Variants in IL6ST observed in about 807,000 individuals in gnomAD.
The protein encoded by IL6ST is interleukin 6 cytokine family signal transducer, also known as interleukin-6 receptor subunit beta.
In IL6ST, 24 loss-of-function variants were observed where a neutral mutation model predicts 91.3. The ratio of observed to expected loss-of-function variants is 0.26; its 90% CI spans 0.19 to 0.37. The LOEUF is 0.37. Among genes scored for constraint, IL6ST ranks in the 10% least tolerant of loss-of-function variants. The pLI is 1.00. For synonymous variants in IL6ST, 351 were observed against 373.6 expected (o/e 0.94, Z 0.70); for missense variants, 914 against 1,078.5 (o/e 0.85, Z 2.14).
At chr5:55,974,956 TAC>T (rs3039924) in intron 3 of IL6ST, among the ~76,000 whole-genome samples, 8,686 of 113,874 alleles carry the variant, frequency 0.076, 622 homozygotes, top group African/African-American at 0.19. Flanking sequence ...CACACACACA[TAC>T]ACACACACAC....
chr5:55,988,889 T>C (rs1389688971), intron 1 of IL6ST, among the ~76,000 whole-genome samples: 8 of 151,348 alleles, frequency 5.3e-5, no homozygotes, highest in African/African-American at 9.7e-5. Flanking sequence ...GGTAGGTAGA[T>C]TGCTTGAGCC....
In IL6ST at chr5:55,941,200, C is replaced by T. The variant is rs778244030; in HGVS notation, c.2639G>A (p.Gly880Asp). Residue 880 changes from glycine (G) to aspartate (D), a missense_variant, in exon 17 of 17, where the codon GGT (glycine) becomes GAT (aspartate). Coordinates refer to ENST00000381298, the MANE Select transcript of IL6ST (RefSeq NM_002184.4). ...AAATCTTTCTACTTGTCCCTCAGTA[C>T]CTGGACCAAAAGCATCTGCTGCAGA... The part of the protein sequence containing the change: ...EVSAADAFGP[G>D]TEGQVERFET... 18 of 1,614,026 alleles carry T rather than the reference C, an allele frequency of 1.1e-5. No individual in the cohort carries two copies. The highest frequency in any genetic ancestry group is 1.4e-5 in the Non-Finnish European group (17 of 1,179,990).
In IL6ST at chr5:55,940,324, T is replaced by C. The variant is rs534489586; in HGVS notation, c.*758A>G. 9.5e-5 allele frequency: 20 copies of C among 210,286 alleles called. No individual in the cohort carries two copies. Among genetic ancestry groups the C allele is most frequent in the African/African-American group, 4.1e-4 (18 of 44,216 alleles). 13.0% of individuals were successfully genotyped at this position (210,286 alleles called of 1,614,324 possible). ...TAGTTTGGGGGATCCCTAGCTCTTA[T>C]CATGGCACTCTGTTGAGTTTGTGAA... On this transcript the variant is annotated 3_prime_UTR_variant, in exon 17 of 17. Transcript: ENST00000381298.
At chr5:55,967,074 G>C (rs1383646234) in intron 5 of IL6ST, among the ~76,000 whole-genome samples, 1 of 151,760 alleles carries the variant, frequency 6.6e-6, no homozygotes, top group Non-Finnish European at 1.5e-5. Context: ...CACTCTGGGA[G>C]GCAGAGGCAG....
Position 55,994,899 on chromosome 5 carries a change from G to A in IL6ST, c.-219C>T, listed in dbSNP as rs1279726527. 2 of 152,392 alleles carry A rather than the reference G, an allele frequency of 1.3e-5. No homozygotes were observed. The highest frequency in any genetic ancestry group is 1.5e-5 in the Non-Finnish European group (1 of 68,106). 9.4% of individuals were successfully genotyped at this position (152,392 alleles called of 1,614,324 possible). On this transcript the variant is annotated 5_prime_UTR_variant, in exon 1 of 17. Coordinates refer to ENST00000381298, the MANE Select transcript of IL6ST (RefSeq NM_002184.4). ...CGGCCCCCGGTTCAGCTGCGCCGGGGCGGCCCAGCGCGACTCCGCGGGCCT... is the reference window on the plus strand; with the variant it reads ...CGGCCCCCGGTTCAGCTGCGCCGGGACGGCCCAGCGCGACTCCGCGGGCCT...
At position 55,937,792 on chromosome 5, in the gene IL6ST, C is replaced by T. The variant is rs1426523362; in HGVS notation, c.*3290G>A. 3 of 192,562 alleles carry T rather than the reference C, an allele frequency of 1.6e-5. No individual in the cohort carries two copies. The highest frequency in any genetic ancestry group is 2.3e-5 in the African/African-American group (1 of 43,070). 11.9% of individuals were successfully genotyped at this position (192,562 alleles called of 1,614,324 possible). A position where few individuals can be genotyped will look rare whatever the true frequency, so the allele number is the denominator to read the frequency against. Reference sequence around the variant, plus strand: ...CAGCTTATAACTTTGTTATTTTATTCATCTCAACAAAATAAAACTTTATTG... The same window carrying T: ...CAGCTTATAACTTTGTTATTTTATTTATCTCAACAAAATAAAACTTTATTG... On this transcript the variant is annotated 3_prime_UTR_variant, in exon 17 of 17. Transcript: ENST00000381298.
At position 55,937,362 on chromosome 5, in the gene IL6ST, T is replaced by C. The variant is rs1750602161; in HGVS notation, c.*3720A>G. On this transcript the variant is annotated 3_prime_UTR_variant, in exon 17 of 17. Coordinates refer to ENST00000381298, the MANE Select transcript of IL6ST (RefSeq NM_002184.4). ...TGCCACCTTTTAATTTTTAATGCAATGTATATGAGAATATCATGCTAATGC... is the reference window on the plus strand; with the variant it reads ...TGCCACCTTTTAATTTTTAATGCAACGTATATGAGAATATCATGCTAATGC... 2 of 212,418 alleles carry C rather than the reference T, an allele frequency of 9.4e-6. No homozygotes were observed. Among genetic ancestry groups the C allele is most frequent in the Admixed American group, 1.2e-4 (2 of 17,016 alleles). 13.2% of individuals were successfully genotyped at this position (212,418 alleles called of 1,614,324 possible). A position where few individuals can be genotyped will look rare whatever the true frequency, so the allele number is the denominator to read the frequency against.
intron 2 of IL6ST, among the ~76,000 whole-genome samples, chr5:55,976,623 T>TA (rs1310427973): frequency 6.6e-6 from 1 of 152,204 alleles, no homozygotes; most frequent in Non-Finnish European, 1.5e-5. Flanking sequence ...AAACTCACCA[T>TA]AATATGTATC....
At chr5:55,971,789 A>G (rs1305663592) in intron 3 of IL6ST, among the ~76,000 whole-genome samples, 2 of 152,138 alleles carry the variant, frequency 1.3e-5, no homozygotes, top group Non-Finnish European at 2.9e-5. Flanking sequence ...AGCCCAGAAA[A>G]AATTAAAAAC....
intron 14 of IL6ST, among the ~76,000 whole-genome samples, chr5:55,950,974 A>G (rs971680257): frequency 3.9e-5 from 6 of 152,068 alleles, no homozygotes; most frequent in African/African-American, 7.2e-5. Flanking sequence ...AAGTAGAAAA[A>G]AGATGAAAAC....
intron 5 of IL6ST, among the ~76,000 whole-genome samples, chr5:55,966,840 C>T (rs1296958351): frequency 1.3e-5 from 2 of 151,916 alleles, no homozygotes; most frequent in African/African-American, 4.8e-5. Context: ...ATAAGGCTGA[C>T]AACACCCGAA....
At position 55,954,512 on chromosome 5, in the gene IL6ST, A is replaced by G. The variant is rs146154421; in HGVS notation, c.1450+298T>C. Among the ~76,000 whole-genome samples the G allele has an allele frequency of 3.6e-3, 549 of 152,348 alleles. 6 individuals carry two copies. Among genetic ancestry groups the G allele is most frequent in the African/African-American group, 0.011 (451 of 41,588 alleles). On this transcript the variant is annotated intron_variant, in intron 11 of 16. Transcript: ENST00000381298. ...AGGTACAGAGAACATATAACTAATC[A>G]GCAGCAAAGGTTGGACTCTTATATT... is the stretch of plus-strand genomic sequence containing the variant.
intron 15 of IL6ST, among the ~76,000 whole-genome samples, chr5:55,945,862 G>A (rs1256545983): frequency 6.6e-6 from 1 of 151,730 alleles, no homozygotes; most frequent in African/African-American, 2.4e-5. Flanking sequence ...TGTTAGCCAG[G>A]ATGGCCTCAA....
At chr5:55,989,082 C>T (rs566339179) in intron 1 of IL6ST, among the ~76,000 whole-genome samples, 127 of 149,548 alleles carry the variant, frequency 8.5e-4, no homozygotes, top group Admixed American at 1.5e-3. Flanking sequence ...AGCTAAGAAG[C>T]CAAGATCTTG....
At position 55,939,170 on chromosome 5, in the gene IL6ST, G is replaced by A; in HGVS notation, c.*1912C>T. The A allele has an allele frequency of 4.7e-6, 1 of 212,782 alleles. No individual in the cohort carries two copies. The highest frequency in any genetic ancestry group is 5.9e-5 in the Admixed American group (1 of 17,088). 13.2% of individuals were successfully genotyped at this position (212,782 alleles called of 1,614,324 possible). A position where few individuals can be genotyped will look rare whatever the true frequency, so the allele number is the denominator to read the frequency against. On this transcript the variant is annotated 3_prime_UTR_variant, in exon 17 of 17. Coordinates refer to ENST00000381298, the MANE Select transcript of IL6ST (RefSeq NM_002184.4). The stretch of plus-strand genomic sequence containing the variant: ...TGACACATACAGCAAGACAAATCCA[G>A]CCCAGCCTTTGATGATCAACTTAAA...
rs142901689 is a variant in IL6ST at position 55,941,827 on chromosome 5, A to G, written c.2020-8T>C. ...TTTTGAATTAAAATTGTGCTAAGGA[A>G]GAGAAAAAATTGTATATGGCAAGTA... is the stretch of plus-strand genomic sequence containing the variant. On this transcript the variant is annotated splice_region_variant and splice_polypyrimidine_tract_variant and intron_variant, in intron 16 of 16. Coordinates refer to ENST00000381298, the MANE Select transcript of IL6ST (RefSeq NM_002184.4). 1,460 of 1,599,506 alleles carry G rather than the reference A, an allele frequency of 9.1e-4. 2 individuals carry two copies. The highest frequency in any genetic ancestry group is 7.7e-3 in the Middle Eastern group (46 of 5,960).
At chr5:55,991,606 A>G (rs996863328) in intron 1 of IL6ST, among the ~76,000 whole-genome samples, 3 of 142,936 alleles carry the variant, frequency 2.1e-5, no homozygotes, top group Non-Finnish European at 3.0e-5. Context: ...ACAACTTTAA[A>G]CCTGTCATTC....
chr5:55,961,964 G>A (rs1226442107), intron 7 of IL6ST, among the ~76,000 whole-genome samples: 1 of 152,064 alleles, frequency 6.6e-6, no homozygotes, highest in Non-Finnish European at 1.5e-5. Flanking sequence ...GCGTAGATGT[G>A]GACAGGCAAA....
At chr5:55,990,600 A>G (rs936004934) in intron 1 of IL6ST, among the ~76,000 whole-genome samples, 1 of 152,182 alleles carries the variant, frequency 6.6e-6, no homozygotes, top group Non-Finnish European at 1.5e-5. Context: ...AATTTCAAGA[A>G]TTTTGGCTTG....
Sources: gnomAD v4.1 joint callset for allele counts (sites outside exome capture counted in the v4.1 genomes callset) on GRCh38, gnomAD v4.1.1 for gene constraint, MANE v1.5 for transcripts, NCBI Gene and HGNC (gene_info 2026-07-23, HGNC 2026-07-21) for gene names.